HOXC4: variants seen among roughly 807,000 people sequenced by gnomAD.
The protein encoded by HOXC4 is homeobox C4.
HOXC4 carries 15 observed loss-of-function variants against 25.5 expected under a neutral mutation model. The observed-to-expected ratio is 0.59, with a 90% CI of 0.39 to 0.91. The LOEUF is 0.91. HOXC4 is among the 40% of genes least tolerant of loss of function. HOXC4 has a pLI of 0.00. For synonymous variants in HOXC4, 165 were observed against 148.0 expected (o/e 1.11, Z -0.83); for missense variants, 342 against 352.4 (o/e 0.97, Z 0.24).
intron 1 of HOXC4, among the ~76,000 whole-genome samples, chr12:54,018,543 G>T (rs1392001763): frequency 3.3e-5 from 5 of 152,232 alleles, no homozygotes; most frequent in Non-Finnish European, 5.9e-5. Flanking sequence ...ATGGCCTGTT[G>T]TATAGTCTTA....
intron 1 of HOXC4, among the ~76,000 whole-genome samples, chr12:54,048,255 A>AATGGT (rs1326113944): frequency 6.6e-6 from 1 of 152,014 alleles, no homozygotes; most frequent in Non-Finnish European, 1.5e-5. Flanking sequence ...TAATCATGGT[A>AATGGT]ATGATCTGGT....
At chr12:54,052,724 G>A (rs907658843), upstream of HOXC4, among the ~76,000 whole-genome samples, 9 of 152,152 alleles carry the variant, frequency 5.9e-5, no homozygotes, top group Admixed American at 2.0e-4. Flanking sequence ...GGCTGGCCGT[G>A]CCTCCCCAAC....
intron 1 of HOXC4, among the ~76,000 whole-genome samples, chr12:54,018,365 G>A (rs895197455): frequency 1.3e-5 from 2 of 152,196 alleles, no homozygotes; most frequent in Non-Finnish European, 2.9e-5. Flanking sequence ...GTGGAAATGG[G>A]GAAGGCCCTA....
At chr12:54,019,039 T>G (rs916678412) in intron 1 of HOXC4, among the ~76,000 whole-genome samples, 1 of 152,026 alleles carries the variant, frequency 6.6e-6, no homozygotes, top group African/African-American at 2.4e-5. Flanking sequence ...GAGCTGACGG[T>G]GAATTTTATC....
At chr12:54,033,325 G>T (rs745582495) in intron 1 of HOXC4, 2 of 1,613,626 alleles carry the variant, frequency 1.2e-6, no homozygotes, top group African/African-American at 2.7e-5. Flanking sequence ...GCCAACCCCC[G>T]GGCTCACCCC....
chr12:54,028,743 T>G, intron 1 of HOXC4: 1 of 1,614,118 alleles, frequency 6.2e-7, no homozygotes, highest in South Asian at 1.1e-5. Context: ...ACTATGGATC[T>G]AATTCCTTTT....
chr12:54,020,307 G>A (rs1227947057), intron 1 of HOXC4: 2 of 152,278 alleles, frequency 1.3e-5, no homozygotes, highest in Non-Finnish European at 2.9e-5. Flanking sequence ...CTCCCCCTCT[G>A]AGCCCACTCT....
At chr12:54,031,054 A>G (rs1484104739) in intron 1 of HOXC4, among the ~76,000 whole-genome samples, 1 of 152,204 alleles carries the variant, frequency 6.6e-6, no homozygotes, top group Non-Finnish European at 1.5e-5. Flanking sequence ...ACCCTGCGGG[A>G]AAAAGCCGCG....
At chr12:54,045,960 G>A (rs937468292) in intron 1 of HOXC4, among the ~76,000 whole-genome samples, 3 of 152,132 alleles carry the variant, frequency 2.0e-5, no homozygotes, top group Non-Finnish European at 4.4e-5. Flanking sequence ...AAAGAAGGGG[G>A]AGAGAAGAAA....
chr12:54,034,356 G>A lies in HOXC4; in HGVS notation c.-124+16942G>A, dbSNP rs758574102. The A allele has an allele frequency of 6.2e-7, 1 of 1,614,196 alleles. No homozygotes were observed. The highest frequency in any genetic ancestry group is 2.2e-5 in the East Asian group (1 of 44,884). ...CTCGAGAAAGAATTCCACTTTAACC[G>A]CTACCTCACTCGCCGCAGGCGCATA... On this transcript the variant is annotated intron_variant, in intron 1 of 3. Transcript: ENST00000303406.
upstream of HOXC4, chr12:54,053,750 T>A: frequency 4.4e-6 from 2 of 455,914 alleles, no homozygotes; most frequent in Non-Finnish European, 7.9e-6. Flanking sequence ...AAAAATTGGA[T>A]ACATTTTGAA....
intron 1 of HOXC4, chr12:54,037,980 G>A (rs1941215849): frequency 6.6e-6 from 1 of 152,176 alleles, no homozygotes; most frequent in Non-Finnish European, 1.5e-5. Context: ...GGTGAGAGAG[G>A]TTACATCTTC....
intron 1 of HOXC4, among the ~76,000 whole-genome samples, chr12:54,046,247 G>T (rs1300637897): frequency 1.3e-5 from 2 of 152,126 alleles, no homozygotes; most frequent in African/African-American, 4.8e-5. Flanking sequence ...ATGCCTCCGC[G>T]TCTCCTGTAT....
At chr12:54,042,282 T>C (rs915060944) in intron 1 of HOXC4, among the ~76,000 whole-genome samples, 6 of 152,178 alleles carry the variant, frequency 3.9e-5, no homozygotes, top group Admixed American at 6.5e-5. Flanking sequence ...CCAGCCCCAT[T>C]TGCCTCTTTT....
At chr12:54,031,817 A>C (rs1940999462) in intron 1 of HOXC4, among the ~76,000 whole-genome samples, 1 of 152,156 alleles carries the variant, frequency 6.6e-6, no homozygotes, top group Non-Finnish European at 1.5e-5. Flanking sequence ...ATGGGGCCGA[A>C]TGGCTGCAGA....
chr12:54,034,324 T>C lies in HOXC4; in HGVS notation c.-124+16910T>C, dbSNP rs572676034. On this transcript the variant is annotated intron_variant, in intron 1 of 3. Transcript: ENST00000303406. ...GAACCAGTTACACGCGCTACCAGAC[T>C]CTGGAACTCGAGAAAGAATTCCACT... 1.9e-6 allele frequency: 3 copies of C among 1,614,184 alleles called. No homozygotes were observed. The South Asian group carries it at 3.3e-5, about 18-fold the overall frequency.
At chr12:54,036,813 A>G (rs1255498065) in intron 1 of HOXC4, among the ~76,000 whole-genome samples, 1 of 152,212 alleles carries the variant, frequency 6.6e-6, no homozygotes, top group African/African-American at 2.4e-5. Flanking sequence ...GGTAACAGTT[A>G]ACTAAGAAAG....
chr12:54,028,911 T>C (rs1258895750), intron 1 of HOXC4: 1 of 1,609,770 alleles, frequency 6.2e-7, no homozygotes, highest in Admixed American at 1.7e-5. Flanking sequence ...AGCGAATGAA[T>C]TCGCACAGTG....
intron 1 of HOXC4, among the ~76,000 whole-genome samples, chr12:54,040,577 T>C (rs1941256225): frequency 6.6e-6 from 1 of 152,234 alleles, no homozygotes; most frequent in African/African-American, 2.4e-5. Flanking sequence ...GATGTGAAGT[T>C]GTGGGGGCAT....
Sources: gnomAD v4.1 joint callset for allele counts (sites outside exome capture counted in the v4.1 genomes callset) on GRCh38, gnomAD v4.1.1 for gene constraint, MANE v1.5 for transcripts, NCBI Gene and HGNC (gene_info 2026-07-23, HGNC 2026-07-21) for gene names.